The following SSUH2 variants were observed in gnomAD, a reference collection of about 807,000 sequenced individuals.
SSUH2 encodes protein SSUH2 homolog.
A neutral mutation model predicts 55.3 loss-of-function variants in SSUH2; 47 were observed. The ratio of observed to expected loss-of-function variants is 0.85; its 90% CI spans 0.67 to 1.08. The LOEUF is 1.08. Ranked by LOEUF, SSUH2 falls within the 50% of genes least tolerant of loss-of-function variation. The pLI is 0.00. For missense variants in SSUH2, 535 were observed against 490.7 expected (o/e 1.09, Z -0.85); for synonymous variants, 212 against 191.5 (o/e 1.11, Z -0.89).
At chr3:8,645,196 A>G (rs1038252798), upstream of SSUH2, among the ~76,000 whole-genome samples, 4 of 152,200 alleles carry the variant, frequency 2.6e-5, no homozygotes, top group African/African-American at 9.6e-5. Flanking sequence ...TCATAACCAC[A>G]AGAAGGTTAC....
intron 4 of SSUH2, among the ~76,000 whole-genome samples, chr3:8,671,687 C>G (rs1359668387): frequency 6.6e-6 from 1 of 151,992 alleles, no homozygotes; most frequent in Non-Finnish European, 1.5e-5. Flanking sequence ...GGGTGTATAC[C>G]CCGGTGACTT....
Position 8,635,814 on chromosome 3 carries a change from G to A in SSUH2, c.72C>T (p.Pro24=). The change falls in exon 2 of 12, where the codon CCC becomes CCT. Residue 24 remains proline, a synonymous_variant. Coordinates refer to ENST00000544814, the MANE Select transcript of SSUH2 (RefSeq NM_001256748.3). ...GCAGTCTCTCCAGGAGCTCTGTGGG[G>A]GGCGCCAGAGGACTCTCGGCCTCAA... The part of the protein sequence containing the change: ...LSFEAESPLA[P]PTELLERLPS... 6.5e-7 allele frequency: 1 copy of A among 1,536,042 alleles called. No homozygotes were observed. The highest frequency in any genetic ancestry group is 8.7e-7 in the Non-Finnish European group (1 of 1,146,870).
intron 6 of SSUH2, among the ~76,000 whole-genome samples, chr3:8,661,125 G>A (rs1178907033): frequency 1.3e-5 from 2 of 152,196 alleles, no homozygotes; most frequent in Admixed American, 1.3e-4. Flanking sequence ...TCTAGCCACT[G>A]CTCCTTACAC....
At chr3:8,672,020 T>C (rs1704633723) in exon 4 of SSUH2, 1 of 152,100 alleles carries the variant, frequency 6.6e-6, no homozygotes, top group Non-Finnish European at 1.5e-5. Context: ...TTTGCAGTAA[T>C]AGCATCCTCT....
rs538583006 is a variant in SSUH2 at position 8,672,101 on chromosome 3, C to T, written c.-752-66G>A. 6 of 152,178 alleles carry T rather than the reference C, an allele frequency of 3.9e-5. 1 individual carries two copies. Among genetic ancestry groups the T allele is most frequent in the South Asian group, 2.1e-4 (1 of 4,814 alleles). The allele number at this position is 152,178 out of a possible 1,614,324, so 9.4% of individuals were successfully genotyped here. A position where few individuals can be genotyped will look rare whatever the true frequency, so the allele number is the denominator to read the frequency against. ...CAGCAGCATTGGGTGTAGTATCGTC[C>T]TCTCCCACGTTGAAATTAGGAACAG... is the stretch of plus-strand genomic sequence containing the variant. On this transcript the variant is annotated intron_variant, in intron 3 of 18. Transcript: ENST00000317371.
intron 7 of SSUH2, among the ~76,000 whole-genome samples, chr3:8,657,171 G>A (rs116629010): frequency 0.01 from 1,597 of 152,280 alleles, 32 homozygotes; most frequent in African/African-American, 0.037. Flanking sequence ...CTGGACCACT[G>A]TGCCTGGCCC....
intron 11 of SSUH2, among the ~76,000 whole-genome samples, chr3:8,623,071 G>C (rs1229928358): frequency 6.6e-6 from 1 of 152,182 alleles, no homozygotes; most frequent in Non-Finnish European, 1.5e-5. Context: ...TGCTCCTGGG[G>C]ATGTAGCAGC....
chr3:8,622,299 C>T (rs1162373865), intron 11 of SSUH2, among the ~76,000 whole-genome samples: 1 of 152,092 alleles, frequency 6.6e-6, no homozygotes, highest in Non-Finnish European at 1.5e-5. Context: ...TGTGTATTTG[C>T]CCCCTGGTTT....
upstream of SSUH2, among the ~76,000 whole-genome samples, chr3:8,645,550 G>A (rs1317932433): frequency 6.6e-6 from 1 of 152,140 alleles, no homozygotes; most frequent in African/African-American, 2.4e-5. Context: ...TGGTCCCCGA[G>A]GCTCTATGGG....
chr3:8,628,617 T>C (rs1559321122), intron 7 of SSUH2, among the ~76,000 whole-genome samples: 3 of 152,250 alleles, frequency 2.0e-5, no homozygotes, highest in African/African-American at 2.4e-5. Context: ...TAGAAGCCCA[T>C]GTGAAGACAA....
chr3:8,661,467 C>A (rs1201728770), intron 6 of SSUH2, among the ~76,000 whole-genome samples: 1 of 152,188 alleles, frequency 6.6e-6, no homozygotes, highest in Admixed American at 6.5e-5. Context: ...TCTGCCTCCT[C>A]TAAGTCATGA....
chr3:8,642,567 AGGTGAT>A (rs1701034665), intron 1 of SSUH2, among the ~76,000 whole-genome samples: 1 of 152,254 alleles, frequency 6.6e-6, no homozygotes, highest in Non-Finnish European at 1.5e-5. Context: ...CAGCACCTGA[AGGTGAT>A]GGTCAAAGGC....
chr3:8,664,628 C>G (rs934005713), intron 5 of SSUH2, among the ~76,000 whole-genome samples: 1 of 152,170 alleles, frequency 6.6e-6, no homozygotes, highest in Non-Finnish European at 1.5e-5. Context: ...AAGCTATGTA[C>G]ACAGTGAAGA....
intron 1 of SSUH2, among the ~76,000 whole-genome samples, chr3:8,637,833 CTTGTTTGTTTGT>C (rs59930358): frequency 2.3e-4 from 35 of 151,552 alleles, no homozygotes; most frequent in African/African-American, 5.1e-4. Context: ...TCTCCTAGAG[CTTGTTTGTTTGT>C]TTGTTTGTTT....
In SSUH2 at chr3:8,627,752, C is replaced by T. The variant is rs769878746; in HGVS notation, c.620G>A (p.Arg207His). 24 of 1,609,996 alleles carry T rather than the reference C, an allele frequency of 1.5e-5. No individual in the cohort carries two copies. The highest frequency in any genetic ancestry group is 4.4e-5 in the South Asian group (4 of 90,650). The change falls in exon 8 of 12, where the codon CGC (arginine) becomes CAC (histidine). Residue 207 changes from arginine to histidine, a missense_variant. Transcript: ENST00000544814. ...VRCPSCCGAKRKAKQSRRCQL... is the reference protein window; with the variant it reads ...VRCPSCCGAKHKAKQSRRCQL... Reference sequence around the variant, plus strand: ...ACATCTCCGGGACTGCTTGGCTTTGCGCTTGGCTCCGCAGCAGGATGGGCA... The same window carrying T: ...ACATCTCCGGGACTGCTTGGCTTTGTGCTTGGCTCCGCAGCAGGATGGGCA...
At chr3:8,665,333 G>C (rs551478976) in intron 5 of SSUH2, among the ~76,000 whole-genome samples, 87 of 152,280 alleles carry the variant, frequency 5.7e-4, no homozygotes, top group African/African-American at 2.1e-3. Flanking sequence ...AGAATGTCCA[G>C]CTAAAGAGGA....
chr3:8,629,670 C>T lies in SSUH2; in HGVS notation c.582G>A (p.Ala194=), dbSNP rs148360018. 2.0e-5 allele frequency: 22 copies of T among 1,086,110 alleles called. No homozygotes were observed. The highest frequency in any genetic ancestry group is 3.1e-5 in the East Asian group (1 of 32,518). The allele number at this position is 1,086,110 out of a possible 1,614,324, so 67.3% of individuals were successfully genotyped here. The change falls in exon 7 of 12, where the codon GCG becomes GCA. Residue 194 remains alanine, a synonymous_variant. Coordinates refer to ENST00000544814, the MANE Select transcript of SSUH2 (RefSeq NM_001256748.3). The part of the protein sequence containing the change: ...GRYKCSGCHG[A]GTVRCPSCCG... ...TGGTTCACAGATGACTCACCGTGCC[C>T]GCCCCGTGGCAGCCGCTGCACTTGT...
rs111339160 is a variant in SSUH2 at position 8,664,061 on chromosome 3, G to A, written c.-454-259C>T. On this transcript the variant is annotated intron_variant, in intron 5 of 18. Coordinates refer to the SSUH2 transcript ENST00000317371. The stretch of plus-strand genomic sequence containing the variant: ...CAACACGAGGTTTCTGCTGACCCAG[G>A]TGCCCTGCCAAGTCCTCTTAGCAGG... The A allele has an allele frequency of 2.8e-4, 94 of 330,884 alleles. 2 individuals are homozygous for A. Among genetic ancestry groups the A allele is most frequent in the African/African-American group, 1.8e-3 (84 of 45,880 alleles). The allele number at this position is 330,884 out of a possible 1,614,324, so 20.5% of individuals were successfully genotyped here. A position where few individuals can be genotyped will look rare whatever the true frequency, so the allele number is the denominator to read the frequency against.
intron 6 of SSUH2, among the ~76,000 whole-genome samples, chr3:8,661,498 T>C (rs1257558566): frequency 6.6e-6 from 1 of 152,242 alleles, no homozygotes; most frequent in Non-Finnish European, 1.5e-5. Context: ...TGTCAGGAAC[T>C]GTGAAGGCAA....
Sources: gnomAD v4.1 joint callset for allele counts (sites outside exome capture counted in the v4.1 genomes callset) on GRCh38, gnomAD v4.1.1 for gene constraint, MANE v1.5 for transcripts, NCBI Gene and HGNC (gene_info 2026-07-23, HGNC 2026-07-21) for gene names.